CDKL5: variants seen among roughly 807,000 people sequenced by gnomAD.
CDKL5 encodes cyclin-dependent kinase-like 5.
Under a neutral mutation model 61.7 loss-of-function variants are expected in CDKL5, and 8 were observed. The observed-to-expected ratio is 0.13, with a 90% CI of 0.08 to 0.23. CDKL5 has a LOEUF of 0.23. Ranked by LOEUF, CDKL5 falls within the 10% of genes least tolerant of loss-of-function variation. The pLI is 1.00. For synonymous variants in CDKL5, 275 were observed against 272.3 expected (o/e 1.01, Z -0.10); for missense variants, 440 against 734.5 (o/e 0.60, Z 4.63).
chrX:18,513,325 A>T (rs1922892830), intron 3 of CDKL5, among the ~76,000 whole-genome samples: 1 of 111,890 alleles, frequency 8.9e-6, no homozygotes, highest in Admixed American at 9.6e-5. Flanking sequence ...GTGAAAGTGG[A>T]TGAGAATGGA....
intron 12 of CDKL5, among the ~76,000 whole-genome samples, chrX:18,606,174 T>TCA (rs528800542): frequency 0.059 from 5,692 of 96,778 alleles, 143 homozygotes; most frequent in South Asian, 0.1. Flanking sequence ...AGCAAGACTG[T>TCA]CACACACACA....
chrX:18,553,454 G>T (rs1881142790), intron 3 of CDKL5, among the ~76,000 whole-genome samples: 1 of 103,246 alleles, frequency 9.7e-6, no homozygotes, highest in Non-Finnish European at 2.0e-5. Flanking sequence ...GAAGGCAGTT[G>T]TGTGTGTGTG....
intron 1 of CDKL5, among the ~76,000 whole-genome samples, chrX:18,428,703 G>A (rs781641059): frequency 9.1e-6 from 1 of 109,842 alleles, no homozygotes; most frequent in Non-Finnish European, 1.9e-5. Context: ...ACTCAGAATT[G>A]GGTAATTTTA....
In CDKL5 at chrX:18,633,129, T is replaced by C. The variant is rs1035856542; in HGVS notation, c.*4372T>C. ...GTCAGAACATGTTTCCTGGAGAGCA[T>C]TGCTTTTCTATCTAGAAGTTCGTTA... On this transcript the variant is annotated 3_prime_UTR_variant, in exon 18 of 18. Transcript: ENST00000623535. The C allele has an allele frequency of 4.0e-6, 3 of 752,485 alleles. No homozygotes were observed. The Admixed American group carries it at 2.6e-4, about 66-fold the overall frequency. 62.0% of individuals were successfully genotyped at this position (752,485 alleles called of 1,213,427 possible).
chrX:18,537,362 A>G (rs1259075432), intron 3 of CDKL5, among the ~76,000 whole-genome samples: 1 of 112,267 alleles, frequency 8.9e-6, no homozygotes, highest in Non-Finnish European at 1.9e-5. Context: ...TGAGATAATT[A>G]TAGTTCACAT....
At position 18,630,546 on chromosome X, in the gene CDKL5, T is replaced by C; in HGVS notation, c.*1789T>C. 1.3e-6 allele frequency: 1 copy of C among 750,979 alleles called. No homozygotes were observed. Among genetic ancestry groups the C allele is most frequent in the Non-Finnish European group, 1.6e-6 (1 of 636,814 alleles). The allele number at this position is 750,979 out of a possible 1,213,427, so 61.9% of individuals were successfully genotyped here. On this transcript the variant is annotated 3_prime_UTR_variant, in exon 18 of 18. Coordinates refer to ENST00000623535, the MANE Select transcript of CDKL5 (RefSeq NM_001323289.2). The stretch of plus-strand genomic sequence containing the variant: ...CCCCCGAGATTTTGAGAATCATAGC[T>C]CTGATGATTATGAAGATTATAAAGA...
chrX:18,584,471 A>G lies in CDKL5; in HGVS notation c.554+118A>G, dbSNP rs1461335954. 3 of 536,128 alleles carry G rather than the reference A, an allele frequency of 5.6e-6. No homozygotes were observed. The East Asian group carries it at 1.0e-4, about 18-fold the overall frequency. The allele number at this position is 536,128 out of a possible 1,213,427, so 44.2% of individuals were successfully genotyped here. A position where few individuals can be genotyped will look rare whatever the true frequency, so the allele number is the denominator to read the frequency against. ...AGTTAATTAAATGTGTCAGTTACAT[A>G]TTGCAGTATAACAAACTACCTAAAA... On this transcript the variant is annotated intron_variant, in intron 8 of 17. Coordinates refer to ENST00000623535, the MANE Select transcript of CDKL5 (RefSeq NM_001323289.2).
In CDKL5 at chrX:18,633,641, C is replaced by T; in HGVS notation, c.*4884C>T. The stretch of plus-strand genomic sequence containing the variant: ...AGTCCCTCATCTATCTGCATACACG[C>T]AATGTGGGAGAAGTGGGGTGGCTAG... On this transcript the variant is annotated 3_prime_UTR_variant, in exon 18 of 18. Transcript: ENST00000623535. The T allele has an allele frequency of 1.3e-6, 1 of 753,976 alleles. No homozygotes were observed. The highest frequency in any genetic ancestry group is 1.6e-6 in the Non-Finnish European group (1 of 639,129). The allele number at this position is 753,976 out of a possible 1,213,427, so 62.1% of individuals were successfully genotyped here.
At chrX:18,575,022 G>A (rs1000444663) in intron 4 of CDKL5, among the ~76,000 whole-genome samples, 1 of 111,347 alleles carries the variant, frequency 9.0e-6, no homozygotes, top group African/African-American at 3.3e-5. Context: ...TGACAATGGA[G>A]GCATATGTTG....
In CDKL5 at chrX:18,631,568, T is replaced by A. The variant is rs1036195107; in HGVS notation, c.*2811T>A. The A allele has an allele frequency of 2.7e-6, 2 of 752,897 alleles. No homozygotes were observed. The highest frequency in any genetic ancestry group is 4.6e-5 in the African/African-American group (2 of 43,333). The allele number at this position is 752,897 out of a possible 1,213,427, so 62.0% of individuals were successfully genotyped here. On this transcript the variant is annotated 3_prime_UTR_variant, in exon 18 of 18. Coordinates refer to ENST00000623535, the MANE Select transcript of CDKL5 (RefSeq NM_001323289.2). ...GACTTGATTTAAAGTCAGAAAAATTTGCCTTTTCTTTAGGAAGGGGAATTC... is the reference window on the plus strand; with the variant it reads ...GACTTGATTTAAAGTCAGAAAAATTAGCCTTTTCTTTAGGAAGGGGAATTC...
Position 18,595,406 on chromosome X carries a change from G to A in CDKL5, c.803G>A (p.Ser268Asn), listed in dbSNP as rs1925959502. The change falls in exon 10 of 18, where the codon AGT becomes AAT. Residue 268 changes from serine to asparagine, a missense_variant. This residue lies in a region of CDKL5 where 77 missense variants were observed against 218.2 expected (regional missense o/e 0.35). Coordinates refer to ENST00000623535, the MANE Select transcript of CDKL5 (RefSeq NM_001323289.2). ...LERRYLGILN[S>N]VLLDLMKNLL... ...AGAAGATACCTTGGAATTTTGAATA[G>A]TGTTCTACTTGACCTAATGAAGGTA... 3 of 1,182,758 alleles carry A rather than the reference G, an allele frequency of 2.5e-6. No individual in the cohort carries two copies. The highest frequency in any genetic ancestry group is 1.7e-5 in the African/African-American group (1 of 57,216).
chrX:18,469,226 C>T (rs1163557616), intron 1 of CDKL5, among the ~76,000 whole-genome samples: 3 of 104,600 alleles, frequency 2.9e-5, no homozygotes, highest in African/African-American at 1.1e-4. Context: ...GTAGTCCCAG[C>T]TACTTGCCAG....
intron 20 of CDKL5, among the ~76,000 whole-genome samples, chrX:18,646,469 TTAAG>T (rs1305889541): frequency 1.8e-5 from 2 of 112,825 alleles, no homozygotes; most frequent in Non-Finnish European, 3.7e-5. Flanking sequence ...AATGGAACTT[TTAAG>T]TGAGCAAGAA....
intron 5 of CDKL5, among the ~76,000 whole-genome samples, chrX:18,577,707 A>T: frequency 8.9e-6 from 1 of 111,967 alleles, no homozygotes; most frequent in Non-Finnish European, 1.9e-5. Context: ...CGTTCTGGGC[A>T]GCACTTGAAA....
chrX:18,465,504 A>AAAAATAC (rs1164204396), intron 1 of CDKL5, among the ~76,000 whole-genome samples: 33 of 110,584 alleles, frequency 3.0e-4, no homozygotes, highest in African/African-American at 1.1e-3. Context: ...CGTCTCTACT[A>AAAAATAC]AAAATACAAA....
rs756151921 is a variant in CDKL5, at chrX:18,632,821, T to C, written c.*4064T>C. 4.6e-4 allele frequency: 345 copies of C among 752,104 alleles called. No individual in the cohort carries two copies. The Middle Eastern group carries it at 6.1e-3, about 13-fold the overall frequency. 62.0% of individuals were successfully genotyped at this position (752,104 alleles called of 1,213,427 possible). A position where few individuals can be genotyped will look rare whatever the true frequency, so the allele number is the denominator to read the frequency against. On this transcript the variant is annotated 3_prime_UTR_variant, in exon 18 of 18. Transcript: ENST00000623535. Reference sequence around the variant, plus strand: ...TATCCCATTTTCCCTTTCCAGCCCCTCTTAGTTAAGATCATAGTATCCTCA... The same window carrying C: ...TATCCCATTTTCCCTTTCCAGCCCCCCTTAGTTAAGATCATAGTATCCTCA...
intron 3 of CDKL5, among the ~76,000 whole-genome samples, chrX:18,544,319 T>A (rs1924121790): frequency 1.8e-5 from 2 of 112,207 alleles, no homozygotes; most frequent in Non-Finnish European, 3.8e-5. Flanking sequence ...CTTTGGAAAT[T>A]TGGTTTTGAT....
At chrX:18,433,001 G>T (rs1048265057) in intron 1 of CDKL5, among the ~76,000 whole-genome samples, 3 of 111,118 alleles carry the variant, frequency 2.7e-5, no homozygotes, top group Admixed American at 1.9e-4. Flanking sequence ...GCCGAGGCGG[G>T]CGGATCATTT....
At chrX:18,483,172 A>G (rs1391465605) in intron 1 of CDKL5, among the ~76,000 whole-genome samples, 1 of 111,476 alleles carries the variant, frequency 9.0e-6, no homozygotes, top group Non-Finnish European at 1.9e-5. Flanking sequence ...AATAATCTCT[A>G]TTATGTGGCT....
Sources: allele counts gnomAD v4.1 joint callset (sites outside exome capture counted in the v4.1 genomes callset), GRCh38; gene constraint gnomAD v4.1.1; regional missense constraint gnomAD v4.1.1; transcripts MANE v1.5; gene names NCBI Gene and HGNC (gene_info 2026-07-23, HGNC 2026-07-21).